The following SCN8A variants were observed in gnomAD, a reference collection of about 807,000 sequenced individuals.
SCN8A encodes the protein sodium voltage-gated channel alpha subunit 8.
A neutral mutation model predicts 184.1 loss-of-function variants in SCN8A; 30 were observed. That is an observed-to-expected ratio of 0.16 (90% CI 0.12 to 0.22). SCN8A has a LOEUF of 0.22. Among genes scored for constraint, SCN8A ranks in the 10% least tolerant of loss-of-function variants. The pLI is 1.00. For synonymous variants in SCN8A, 852 were observed against 907.0 expected (o/e 0.94, Z 1.09); for missense variants, 1,057 against 2,498.9 (o/e 0.42, Z 12.30).
At chr12:51,805,744 C>CCT (rs1938681749) in intron 26 of SCN8A, among the ~76,000 whole-genome samples, 2 of 152,244 alleles carry the variant, frequency 1.3e-5, no homozygotes, top group African/African-American at 4.8e-5. Flanking sequence ...AAAACAACAA[C>CCT]ATCAAAAGAC....
chr12:51,793,979 T>C (rs1938339068), intron 25 of SCN8A, among the ~76,000 whole-genome samples: 1 of 152,142 alleles, frequency 6.6e-6, no homozygotes, highest in African/African-American at 2.4e-5. Context: ...ACCCCGTCTA[T>C]GCTAAAAATA....
chr12:51,758,017 C>G (rs889535465), intron 14 of SCN8A, among the ~76,000 whole-genome samples: 19 of 152,144 alleles, frequency 1.2e-4, no homozygotes, highest in African/African-American at 4.6e-4. Context: ...AATAATATAG[C>G]TAGGTGAGTC....
rs766526091 is a variant in SCN8A at position 51,700,229 on chromosome 12, C to T, written c.928+438C>T. On this transcript the variant is annotated intron_variant, in intron 7 of 26. Transcript: ENST00000627620. ...GAGCTGGAAAGGAATGGCAGTGCTA[C>T]TAGAACTAGCCTTGTAAAATTATTC... 4.4e-4 allele frequency among the ~76,000 whole-genome samples: 67 copies of T among 151,754 alleles called. 1 individual carries two copies. Among genetic ancestry groups the T allele is most frequent in the South Asian group, 1.2e-3 (6 of 4,808 alleles).
In SCN8A at chr12:51,812,296, CTGTCCCT is replaced by C. The variant is rs1938936816; in HGVS notation, c.*4868_*4874del. On this transcript the variant is annotated 3_prime_UTR_variant, in exon 27 of 27. Coordinates refer to ENST00000627620, the MANE Select transcript of SCN8A (RefSeq NM_001330260.2). ...TCCAGAAAAGGGACAGAACTGTGTT[CTGTCCCT>C]AGCTTGACCGCTGGCTCGCTGTGTG... 1 of 154,680 alleles carries C rather than the reference CTGTCCCT, an allele frequency of 6.5e-6. No homozygotes were observed. The highest frequency in any genetic ancestry group is 2.4e-5 in the African/African-American group (1 of 41,410). The allele number at this position is 154,680 out of a possible 1,614,324, so 9.6% of individuals were successfully genotyped here.
intron 12 of SCN8A, among the ~76,000 whole-genome samples, chr12:51,737,383 A>G (rs911287586): frequency 1.3e-5 from 2 of 152,162 alleles, no homozygotes; most frequent in Non-Finnish European, 2.9e-5. Context: ...TTTGAGCTTT[A>G]TGGACTTGCT....
At chr12:51,628,648 T>C (rs756446585) in intron 1 of SCN8A, among the ~76,000 whole-genome samples, 4 of 152,146 alleles carry the variant, frequency 2.6e-5, no homozygotes, top group Non-Finnish European at 4.4e-5. Flanking sequence ...AGAGACTGTT[T>C]CAAGTGGAAA....
intron 1 of SCN8A, among the ~76,000 whole-genome samples, chr12:51,634,650 A>AT (rs1385718460): frequency 5.3e-3 from 294 of 55,246 alleles, no homozygotes; most frequent in African/African-American, 0.018. Context: ...TATTATTATT[A>AT]TTATTATTTT....
At chr12:51,766,257 T>A in intron 16 of SCN8A, 1 of 568,316 alleles carries the variant, frequency 1.8e-6, no homozygotes, top group Non-Finnish European at 3.1e-6. Flanking sequence ...TTTCCTAGAG[T>A]TAGGAAAGCA....
chr12:51,773,659 G>A (rs967844304), intron 19 of SCN8A, among the ~76,000 whole-genome samples: 1 of 152,212 alleles, frequency 6.6e-6, no homozygotes, highest in Non-Finnish European at 1.5e-5. Flanking sequence ...CTGGGCATAT[G>A]CCCTAGAGAA....
At chr12:51,638,252 C>T (rs1940363004) in intron 1 of SCN8A, among the ~76,000 whole-genome samples, 1 of 152,244 alleles carries the variant, frequency 6.6e-6, no homozygotes, top group South Asian at 2.1e-4. Context: ...GCTAACACAA[C>T]ATCCATTTTG....
chr12:51,742,584 T>C (rs902419119), intron 12 of SCN8A, among the ~76,000 whole-genome samples: 2 of 62,104 alleles, frequency 3.2e-5, no homozygotes, highest in African/African-American at 7.1e-5. Context: ...AGCTCCATTG[T>C]ATGTTTTTTT....
chr12:51,634,729 ACCT>A (rs896858344), intron 1 of SCN8A, among the ~76,000 whole-genome samples: 11 of 149,736 alleles, frequency 7.3e-5, no homozygotes, highest in Admixed American at 2.0e-4. Context: ...GCTCACTGCA[ACCT>A]CCTCCTCCTG....
intron 11 of SCN8A, among the ~76,000 whole-genome samples, chr12:51,710,070 T>C (rs1156785141): frequency 6.6e-6 from 1 of 152,172 alleles, no homozygotes; most frequent in Non-Finnish European, 1.5e-5. Context: ...TTGAAGGGAA[T>C]GAGAGGTTGT....
intron 1 of SCN8A, among the ~76,000 whole-genome samples, chr12:51,641,649 A>C (rs1049382974): frequency 6.6e-6 from 1 of 152,214 alleles, no homozygotes; most frequent in Non-Finnish European, 1.5e-5. Context: ...TCCTGTAGGC[A>C]TTGTTGACAT....
At chr12:51,701,921 A>C (rs1176941022) in intron 8 of SCN8A, among the ~76,000 whole-genome samples, 2 of 152,212 alleles carry the variant, frequency 1.3e-5, no homozygotes, top group Admixed American at 1.3e-4. Flanking sequence ...GATTACATTG[A>C]AAGAAATATG....
Position 51,807,598 on chromosome 12 carries a change from C to T in SCN8A, c.*169C>T. 1 of 744,166 alleles carries T rather than the reference C, an allele frequency of 1.3e-6. No homozygotes were observed. Among genetic ancestry groups the T allele is most frequent in the Non-Finnish European group, 2.2e-6 (1 of 455,434 alleles). 46.1% of individuals were successfully genotyped at this position (744,166 alleles called of 1,614,324 possible). A position where few individuals can be genotyped will look rare whatever the true frequency, so the allele number is the denominator to read the frequency against. On this transcript the variant is annotated 3_prime_UTR_variant, in exon 27 of 27. Coordinates refer to ENST00000627620, the MANE Select transcript of SCN8A (RefSeq NM_001330260.2). This position sits in a 1 kb window ranked among gnomAD's most constrained non-coding sequence, Gnocchi z 4.5. Reference sequence around the variant, plus strand: ...AACACAGCTGCATCTTGAGCAGTGACCTGCCAAGGGCAAAGGACCCCGCTC... The same window carrying T: ...AACACAGCTGCATCTTGAGCAGTGATCTGCCAAGGGCAAAGGACCCCGCTC...
At chr12:51,620,767 C>G (rs1417011747) in intron 1 of SCN8A, among the ~76,000 whole-genome samples, 1 of 151,438 alleles carries the variant, frequency 6.6e-6, no homozygotes, top group South Asian at 2.1e-4. Flanking sequence ...GCAAGAGGAT[C>G]GCTTGAGCTC....
At chr12:51,631,724 A>T (rs1254079247) in intron 1 of SCN8A, among the ~76,000 whole-genome samples, 1 of 152,204 alleles carries the variant, frequency 6.6e-6, no homozygotes, top group African/African-American at 2.4e-5. Flanking sequence ...ATTTAAAGAG[A>T]TCATACTTCC....
At chr12:51,775,041 C>T (rs1937642684) in intron 20 of SCN8A, among the ~76,000 whole-genome samples, 1 of 152,212 alleles carries the variant, frequency 6.6e-6, no homozygotes, top group South Asian at 2.1e-4. Flanking sequence ...TCCTCTCTTT[C>T]TCACCCCACC....
Sources: allele counts gnomAD v4.1 joint callset (sites outside exome capture counted in the v4.1 genomes callset), GRCh38; gene constraint gnomAD v4.1.1; non-coding constraint Gnocchi (gnomAD v3.1); transcripts MANE v1.5; gene names NCBI Gene and HGNC (gene_info 2026-07-23, HGNC 2026-07-21).